Variants in MED12L observed in about 807,000 individuals in gnomAD.
MED12L encodes mediator of RNA polymerase II transcription subunit 12-like protein.
A neutral mutation model predicts 281.3 loss-of-function variants in MED12L; 60 were observed. That is an observed-to-expected ratio of 0.21 (90% CI 0.17 to 0.26). MED12L has a LOEUF of 0.26. MED12L is among the 10% of genes least tolerant of loss of function. MED12L has a pLI of 1.00. For synonymous variants in MED12L, 974 were observed against 987.2 expected (o/e 0.99, Z 0.25); for missense variants, 2,146 against 2,680.9 (o/e 0.80, Z 4.41).
Position 151,334,196 on chromosome 3 carries a change from C to CTTTT in MED12L, c.2251-15855_2251-15852dup, listed in dbSNP as rs71138494. Among the ~76,000 whole-genome samples the CTTTT allele has an allele frequency of 1.2e-4, 14 of 118,206 alleles. 1 individual carries two copies. The highest frequency in any genetic ancestry group is 1.1e-3 in the South Asian group (4 of 3,580). 77.5% of individuals were successfully genotyped at this position (118,206 alleles called of 152,430 possible). A position where few individuals can be genotyped will look rare whatever the true frequency, so the allele number is the denominator to read the frequency against. ...TTATGTGTTTTTTCTTTCTTTCTTT[C>CTTTT]TTTTTTTTTTTGCCATTTCTATTTC... On this transcript the variant is annotated intron_variant, in intron 16 of 44. Coordinates refer to ENST00000687756, the MANE Select transcript of MED12L (RefSeq NM_001393769.1).
At chr3:151,414,247 CTA>C (rs1034666622) in intron 42 of MED12L, among the ~76,000 whole-genome samples, 1 of 152,166 alleles carries the variant, frequency 6.6e-6, no homozygotes, top group African/African-American at 2.4e-5. Context: ...CAAGCTTGTC[CTA>C]TGTTATTGGA....
intron 5 of MED12L, among the ~76,000 whole-genome samples, chr3:151,141,552 C>T (rs1038572460): frequency 3.3e-5 from 5 of 152,076 alleles, no homozygotes; most frequent in African/African-American, 9.7e-5. Flanking sequence ...ATCTAATTAC[C>T]TGTAATCATA....
At chr3:151,180,318 A>G (rs1576902304) in intron 11 of MED12L, among the ~76,000 whole-genome samples, 2 of 152,168 alleles carry the variant, frequency 1.3e-5, no homozygotes, top group South Asian at 2.1e-4. Context: ...GGACAGATGT[A>G]TGCTCCCCTC....
At chr3:151,210,571 G>C (rs1727007574) in intron 16 of MED12L, among the ~76,000 whole-genome samples, 1 of 152,150 alleles carries the variant, frequency 6.6e-6, no homozygotes, top group Admixed American at 6.5e-5. Flanking sequence ...ATAGGTAGTT[G>C]AATCACTTAT....
intron 16 of MED12L, among the ~76,000 whole-genome samples, chr3:151,206,667 CAG>C (rs1465034931): frequency 1.3e-3 from 1 of 748 alleles, no homozygotes; most frequent in African/African-American, 5.9e-3. Flanking sequence ...TTTTTTGAGA[CAG>C]AGTCTTGCTC....
At chr3:151,178,532 C>T (rs1284351891) in intron 11 of MED12L, among the ~76,000 whole-genome samples, 1 of 152,170 alleles carries the variant, frequency 6.6e-6, no homozygotes, top group Non-Finnish European at 1.5e-5. Flanking sequence ...GAGGGAAGGA[C>T]AGAGTTACCT....
At chr3:151,284,718 T>C (rs1321156748) in intron 16 of MED12L, among the ~76,000 whole-genome samples, 2 of 152,128 alleles carry the variant, frequency 1.3e-5, no homozygotes, top group African/African-American at 4.8e-5. Context: ...TGGTGATTCT[T>C]CTGCCTCAGC....
intron 2 of MED12L, among the ~76,000 whole-genome samples, chr3:151,108,540 T>C (rs184821024): frequency 1.2e-4 from 19 of 152,248 alleles, no homozygotes; most frequent in East Asian, 3.9e-4. Context: ...CTAGGAAATA[T>C]AGCTATAAAA....
chr3:151,314,137 A>G (rs1290775475), intron 16 of MED12L, among the ~76,000 whole-genome samples: 2 of 152,222 alleles, frequency 1.3e-5, no homozygotes, highest in African/African-American at 4.8e-5. Flanking sequence ...AAGAGAAACT[A>G]TAGAATCATT....
At chr3:151,228,778 C>A (rs1389632928) in intron 16 of MED12L, among the ~76,000 whole-genome samples, 1 of 152,176 alleles carries the variant, frequency 6.6e-6, no homozygotes, top group Non-Finnish European at 1.5e-5. Context: ...GTTTTGGGAA[C>A]CAATTCTTTT....
chr3:151,370,192 C>T (rs73157994), intron 26 of MED12L, among the ~76,000 whole-genome samples: 18,599 of 152,156 alleles, frequency 0.12, 1,380 homozygotes, highest in Middle Eastern at 0.18. Flanking sequence ...TCTTCATTTA[C>T]AGGGTAATAC....
intron 39 of MED12L, among the ~76,000 whole-genome samples, chr3:151,401,059 C>G (rs1449600218): frequency 6.6e-6 from 1 of 152,162 alleles, no homozygotes; most frequent in Non-Finnish European, 1.5e-5. Flanking sequence ...CATCCATCAA[C>G]ATAAACATTG....
intron 16 of MED12L, among the ~76,000 whole-genome samples, chr3:151,300,579 T>C (rs1317084003): frequency 6.6e-6 from 1 of 152,196 alleles, no homozygotes; most frequent in Non-Finnish European, 1.5e-5. Context: ...AAAGCAGAAT[T>C]CCTGGGAACT....
intron 38 of MED12L, among the ~76,000 whole-genome samples, chr3:151,390,833 G>A (rs1577540481): frequency 6.6e-6 from 1 of 152,102 alleles, no homozygotes; most frequent in East Asian, 1.9e-4. Flanking sequence ...GAGGTCTGTG[G>A]AAGAAAATGT....
chr3:151,116,045 C>G, intron 2 of MED12L, among the ~76,000 whole-genome samples: 1 of 116,736 alleles, frequency 8.6e-6, no homozygotes, highest in South Asian at 2.9e-4. Context: ...GGCTGGGCGA[C>G]AGAGCGAGAC....
At chr3:151,110,724 T>G (rs747933468) in intron 2 of MED12L, among the ~76,000 whole-genome samples, 2 of 152,204 alleles carry the variant, frequency 1.3e-5, no homozygotes, top group Non-Finnish European at 2.9e-5. Context: ...GTGAAAACTT[T>G]ATACGCTTGG....
chr3:151,372,080 CT>C (rs1391756256), intron 26 of MED12L, among the ~76,000 whole-genome samples: 5 of 152,160 alleles, frequency 3.3e-5, no homozygotes. Flanking sequence ...ATAAATCTCT[CT>C]TGTCAAGAAG....
intron 16 of MED12L, among the ~76,000 whole-genome samples, chr3:151,218,634 C>T (rs1019995731): frequency 2.6e-5 from 4 of 151,654 alleles, no homozygotes; most frequent in Non-Finnish European, 4.4e-5. Flanking sequence ...TTTGGGAGGC[C>T]GAGGTGGGTG....
chr3:151,204,025 G>A (rs1230053192), intron 16 of MED12L, among the ~76,000 whole-genome samples: 1 of 152,212 alleles, frequency 6.6e-6, no homozygotes, highest in African/African-American at 2.4e-5. Flanking sequence ...CATTGTGTCT[G>A]TGGCAGAACT....
Sources: allele counts gnomAD v4.1 joint callset (sites outside exome capture counted in the v4.1 genomes callset), GRCh38; gene constraint gnomAD v4.1.1; transcripts MANE v1.5; gene names NCBI Gene and HGNC (gene_info 2026-07-23, HGNC 2026-07-21).